MGMT: variants seen among roughly 807,000 people sequenced by gnomAD.
The protein encoded by MGMT is O-6-methylguanine-DNA methyltransferase, also known as methylated-DNA--protein-cysteine methyltransferase.
Under a neutral mutation model 15.9 loss-of-function variants are expected in MGMT, and 14 were observed. The observed-to-expected ratio is 0.88, with a 90% CI of 0.58 to 1.37. The LOEUF is 1.37. MGMT is among the 40% of genes most tolerant of loss of function. MGMT has a pLI of 0.00. For missense variants in MGMT, 282 were observed against 268.1 expected, an observed-to-expected ratio of 1.05 and a Z score of -0.36; for synonymous variants, 130 against 118.2, an observed-to-expected ratio of 1.10 and a Z score of -0.65.
At chr10:129,652,803 G>A (rs551279400) in intron 2 of MGMT, among the ~76,000 whole-genome samples, 15 of 152,234 alleles carry the variant, frequency 9.9e-5, no homozygotes, top group Non-Finnish European at 2.2e-4. Flanking sequence ...GCACCCACGG[G>A]GTGACGTGTG....
At position 129,566,788 on chromosome 10, in the gene MGMT, C is replaced by T. The variant is rs511361; in HGVS notation, c.125+30411C>T. Among the ~76,000 whole-genome samples the T allele has an allele frequency of 0.4, 60,728 of 151,950 alleles. 12,800 individuals carry two copies. Among genetic ancestry groups the T allele is most frequent in the East Asian group, 0.61 (3,137 of 5,112 alleles). ...CTGCCCCAGGGTCCCTCTGATTCCA[C>T]GGAGGAGCTGCGGAAAGTCCACATT... On this transcript the variant is annotated intron_variant, in intron 2 of 4. Transcript: ENST00000651593. The surrounding 1 kb of genome is among the most constrained non-coding windows in gnomAD (Gnocchi z 4.1).
At chr10:129,712,054 C>T (rs184334663) in intron 3 of MGMT, among the ~76,000 whole-genome samples, 14 of 152,286 alleles carry the variant, frequency 9.2e-5, no homozygotes, top group Non-Finnish European at 1.9e-4. Context: ...CAGCTTTTTA[C>T]AATGAGTTCA....
intron 2 of MGMT, among the ~76,000 whole-genome samples, chr10:129,654,627 C>T (rs1470977118): frequency 6.6e-6 from 1 of 152,020 alleles, no homozygotes; most frequent in Non-Finnish European, 1.5e-5. Context: ...CTGCCTGGAG[C>T]ACAGGGCCTG....
chr10:129,687,897 T>C (rs564263663), intron 2 of MGMT, among the ~76,000 whole-genome samples: 1 of 151,896 alleles, frequency 6.6e-6, no homozygotes, highest in Non-Finnish European at 1.5e-5. Flanking sequence ...CCTTCCTGTG[T>C]CCAAGTGTTC....
At chr10:129,620,635 T>C (rs1251559074) in intron 2 of MGMT, among the ~76,000 whole-genome samples, 1 of 152,226 alleles carries the variant, frequency 6.6e-6, no homozygotes, top group Non-Finnish European at 1.5e-5. Context: ...ATATTAATAT[T>C]GCTAGCTTTC....
At chr10:129,508,229 C>A (rs61744500) in intron 1 of MGMT, among the ~76,000 whole-genome samples, 1 of 152,016 alleles carries the variant, frequency 6.6e-6, no homozygotes, top group Non-Finnish European at 1.5e-5. Context: ...GATGGCCACA[C>A]CACTCCAGCC....
chr10:129,607,799 G>A (rs567055075), intron 2 of MGMT, among the ~76,000 whole-genome samples: 4 of 152,176 alleles, frequency 2.6e-5, no homozygotes, highest in Non-Finnish European at 5.9e-5. Context: ...ATCTGATGTT[G>A]CAATACTTGT....
intron 4 of MGMT, 29 bp downstream of exon 4, chr10:129,759,370 T>A: frequency 1.2e-6 from 2 of 1,613,628 alleles, no homozygotes; most frequent in Non-Finnish European, 1.7e-6. Context: ...AGCATGGCTG[T>A]GGGTGGCGGG....
intron 3 of MGMT, among the ~76,000 whole-genome samples, chr10:129,726,923 T>C (rs1052537816): frequency 6.6e-6 from 1 of 152,246 alleles, no homozygotes; most frequent in Non-Finnish European, 1.5e-5. Context: ...TAATTAATTC[T>C]AATTTTGAGA....
At chr10:129,605,587 AC>A (rs202095411) in intron 2 of MGMT, among the ~76,000 whole-genome samples, 3,938 of 152,338 alleles carry the variant, frequency 0.026, 81 homozygotes, top group South Asian at 0.064. Flanking sequence ...TTAAAAAAAA[AC>A]ATGGAAAATG....
rs1848993280 is a variant in MGMT at position 129,770,919 on chromosome 10, T to C, written c.*3922T>C. ...GGCTTCCCTCAGACCTCAGACCGTGTGGGTTTTTTTTTCTTTCTTTCTTTC... is the reference window on the plus strand; with the variant it reads ...GGCTTCCCTCAGACCTCAGACCGTGCGGGTTTTTTTTTCTTTCTTTCTTTC... On this transcript the variant is annotated 3_prime_UTR_variant, in exon 5 of 5. Transcript: ENST00000651593. 6.6e-6 allele frequency among the ~76,000 whole-genome samples: 1 copy of C among 150,408 alleles called. No individual in the cohort carries two copies. Among genetic ancestry groups the C allele is most frequent in the African/African-American group, 2.5e-5 (1 of 39,910 alleles).
intron 2 of MGMT, among the ~76,000 whole-genome samples, chr10:129,675,266 G>T (rs200457923): frequency 6.6e-6 from 1 of 152,116 alleles, no homozygotes; most frequent in East Asian, 1.9e-4. Flanking sequence ...TTCGTCTCGA[G>T]TCCTCACCCT....
rs1242374905 is a variant in MGMT at position 129,770,020 on chromosome 10, C to T, written c.*3023C>T. 6.6e-6 allele frequency among the ~76,000 whole-genome samples: 1 copy of T among 152,070 alleles called. No homozygotes were observed. The highest frequency in any genetic ancestry group is 6.6e-5 in the Admixed American group (1 of 15,262). ...TTTGTAATTTGTATACACTTCTTACCCAGCAGAAACAGCTTACTGAACACC... is the reference window on the plus strand; with the variant it reads ...TTTGTAATTTGTATACACTTCTTACTCAGCAGAAACAGCTTACTGAACACC... On this transcript the variant is annotated 3_prime_UTR_variant, in exon 5 of 5. Coordinates refer to ENST00000651593, the MANE Select transcript of MGMT (RefSeq NM_002412.5).
At chr10:129,694,198 G>A (rs1349901559) in intron 2 of MGMT, 3 of 152,286 alleles carry the variant, frequency 2.0e-5, no homozygotes, top group African/African-American at 7.2e-5. Flanking sequence ...GCTCTTCTGA[G>A]GTACCAGTTG....
chr10:129,703,346 C>T (rs1012232701), intron 2 of MGMT, among the ~76,000 whole-genome samples: 16 of 152,320 alleles, frequency 1.1e-4, no homozygotes, highest in Non-Finnish European at 1.8e-4. Flanking sequence ...GAGAGAAGGA[C>T]GCCCGCGTGG....
rs1226756015 is a variant in MGMT at position 129,733,913 on chromosome 10, G to A, written c.275-25289G>A. Reference sequence around the variant, plus strand: ...CTGAGGACTCTGTTCTGTTCCATTGGTCTATATCTCTGTTTTGGTACCAGT... The same window carrying A: ...CTGAGGACTCTGTTCTGTTCCATTGATCTATATCTCTGTTTTGGTACCAGT... On this transcript the variant is annotated intron_variant, in intron 3 of 4. Coordinates refer to ENST00000651593, the MANE Select transcript of MGMT (RefSeq NM_002412.5). Among the ~76,000 whole-genome samples the A allele has an allele frequency of 7.0e-3, 1,064 of 151,902 alleles. 10 individuals carry two copies. The highest frequency in any genetic ancestry group is 0.019 in the African/African-American group (799 of 41,348).
chr10:129,723,199 G>T (rs1379656374), intron 3 of MGMT, among the ~76,000 whole-genome samples: 1 of 151,936 alleles, frequency 6.6e-6, no homozygotes, highest in Non-Finnish European at 1.5e-5. Context: ...GTGGTGGTTT[G>T]TGAGATTTTG....
intron 2 of MGMT, among the ~76,000 whole-genome samples, chr10:129,542,455 T>C (rs183744435): frequency 2.6e-5 from 4 of 152,228 alleles, no homozygotes; most frequent in Non-Finnish European, 2.9e-5. Flanking sequence ...TTACTATAAT[T>C]GATCTTTCAA....
At chr10:129,498,096 C>T (rs1302141973) in intron 1 of MGMT, among the ~76,000 whole-genome samples, 1 of 152,140 alleles carries the variant, frequency 6.6e-6, no homozygotes, top group Non-Finnish European at 1.5e-5. Context: ...TGTAGGATGC[C>T]TCTCGTTTGG....
Sources: allele counts gnomAD v4.1 joint callset (sites outside exome capture counted in the v4.1 genomes callset), GRCh38; gene constraint gnomAD v4.1.1; non-coding constraint Gnocchi (gnomAD v3.1); transcripts MANE v1.5; gene names NCBI Gene and HGNC (gene_info 2026-07-23, HGNC 2026-07-21).